The following ATP8B4 variants were observed in gnomAD, a reference collection of about 807,000 sequenced individuals.
ATP8B4 encodes probable phospholipid-transporting ATPase IM.
A neutral mutation model predicts 145.6 loss-of-function variants in ATP8B4; 133 were observed. The ratio of observed to expected loss-of-function variants is 0.91; its 90% CI spans 0.79 to 1.05. ATP8B4 has a LOEUF of 1.05. Ranked by LOEUF, ATP8B4 falls within the 50% of genes least tolerant of loss-of-function variation. ATP8B4 has a pLI of 0.00. For synonymous variants in ATP8B4, 507 were observed against 492.9 expected (o/e 1.03, Z -0.38); for missense variants, 1,458 against 1,425.2 (o/e 1.02, Z -0.37).
At chr15:50,103,458 T>G (rs1438436477) in intron 2 of ATP8B4, among the ~76,000 whole-genome samples, 2 of 152,178 alleles carry the variant, frequency 1.3e-5, no homozygotes, top group East Asian at 3.9e-4. Context: ...GCAATCAAGC[T>G]GAGAATCAAA....
intron 23 of ATP8B4, among the ~76,000 whole-genome samples, chr15:49,893,768 AG>A (rs2037088970): frequency 6.6e-6 from 1 of 152,232 alleles, no homozygotes. Context: ...TACACTTAAA[AG>A]TAGTTAAGTT....
At chr15:50,174,376 A>C (rs953007375) in intron 1 of ATP8B4, among the ~76,000 whole-genome samples, 1 of 152,092 alleles carries the variant, frequency 6.6e-6, no homozygotes, top group Non-Finnish European at 1.5e-5. Context: ...TGACGATAGG[A>C]TCATTTACCT....
chr15:49,978,244 T>C (rs1055091634), intron 12 of ATP8B4, among the ~76,000 whole-genome samples: 1 of 152,222 alleles, frequency 6.6e-6, no homozygotes, highest in African/African-American at 2.4e-5. Context: ...AAAAGCTGAC[T>C]GTAGCTCTTC....
chr15:49,915,959 T>C (rs1052557237), intron 20 of ATP8B4, among the ~76,000 whole-genome samples: 1 of 151,902 alleles, frequency 6.6e-6, no homozygotes, highest in African/African-American at 2.4e-5. Flanking sequence ...AATAGTTTAA[T>C]GACAGAGACA....
chr15:49,917,829 T>C (rs2039896286), intron 19 of ATP8B4, among the ~76,000 whole-genome samples: 1 of 152,208 alleles, frequency 6.6e-6, no homozygotes, highest in East Asian at 1.9e-4. Flanking sequence ...ATATACCTTG[T>C]ATAAACCACA....
intron 14 of ATP8B4, among the ~76,000 whole-genome samples, chr15:49,952,486 C>T (rs149757396): frequency 7.9e-5 from 12 of 152,096 alleles, no homozygotes; most frequent in African/African-American, 1.4e-4. Context: ...TTAGTCAATT[C>T]GGCTGTTGAT....
intron 2 of ATP8B4, among the ~76,000 whole-genome samples, chr15:50,084,510 G>T (rs1175844087): frequency 6.6e-6 from 1 of 152,046 alleles, no homozygotes; most frequent in African/African-American, 2.4e-5. Flanking sequence ...CTGCCCCTTC[G>T]CCCTACCATC....
intron 14 of ATP8B4, among the ~76,000 whole-genome samples, chr15:49,951,917 A>G (rs1171495045): frequency 6.6e-6 from 1 of 152,078 alleles, no homozygotes; most frequent in East Asian, 1.9e-4. Context: ...GCATTTGCTT[A>G]TCTGGAAAGG....
chr15:50,147,435 A>T (rs2044292345), intron 1 of ATP8B4, among the ~76,000 whole-genome samples: 1 of 151,884 alleles, frequency 6.6e-6, no homozygotes, highest in Non-Finnish European at 1.5e-5. Flanking sequence ...AAAAAAAAAA[A>T]AAAAAAGTAT....
intron 1 of ATP8B4, among the ~76,000 whole-genome samples, chr15:50,169,594 A>C (rs1308812493): frequency 6.6e-6 from 1 of 152,188 alleles, no homozygotes; most frequent in Non-Finnish European, 1.5e-5. Context: ...CAGAAAACCA[A>C]CCCTGGTAAT....
chr15:50,173,747 C>T (rs988123848), intron 1 of ATP8B4, among the ~76,000 whole-genome samples: 2 of 151,754 alleles, frequency 1.3e-5, no homozygotes, highest in African/African-American at 4.8e-5. Flanking sequence ...ATCCTTTTAA[C>T]ACTATTCCAC....
intron 1 of ATP8B4, among the ~76,000 whole-genome samples, chr15:50,165,658 GAAGT>G (rs2044586018): frequency 6.6e-6 from 1 of 152,104 alleles, no homozygotes; most frequent in Non-Finnish European, 1.5e-5. Context: ...GGAAATTCTG[GAAGT>G]AAAGAAGCAC....
chr15:50,081,613 C>T (rs2054562165), intron 2 of ATP8B4, among the ~76,000 whole-genome samples: 1 of 152,192 alleles, frequency 6.6e-6, no homozygotes, highest in Admixed American at 6.5e-5. Flanking sequence ...AGGCCATTTA[C>T]AACCTCTTCC....
intron 2 of ATP8B4, among the ~76,000 whole-genome samples, chr15:50,092,181 A>T (rs894874840): frequency 6.6e-5 from 10 of 152,224 alleles, no homozygotes; most frequent in African/African-American, 2.4e-4. Flanking sequence ...CAATGAAAAC[A>T]TACTAAACCT....
intron 1 of ATP8B4, among the ~76,000 whole-genome samples, chr15:50,130,101 C>T (rs2057335890): frequency 6.6e-6 from 1 of 152,144 alleles, no homozygotes; most frequent in Non-Finnish European, 1.5e-5. Flanking sequence ...ATGTTGAGGC[C>T]TTTTCACAGC....
intron 9 of ATP8B4, among the ~76,000 whole-genome samples, chr15:49,989,520 A>G (rs2046887701): frequency 1.3e-5 from 2 of 152,196 alleles, no homozygotes. Context: ...TTCTATTGTC[A>G]TAAGCAAAGA....
intron 10 of ATP8B4, among the ~76,000 whole-genome samples, chr15:49,984,675 T>C (rs1240350586): frequency 1.3e-5 from 2 of 152,036 alleles, no homozygotes. Flanking sequence ...TTTGATCTCT[T>C]CCTAGGGATC....
intron 26 of ATP8B4, 75 bp from the exon 27 acceptor site, chr15:49,862,450 C>G: frequency 6.7e-7 from 1 of 1,493,004 alleles, no homozygotes; most frequent in Non-Finnish European, 9.0e-7. Flanking sequence ...TTCTTTGTTC[C>G]TACAAGATCT....
At chr15:50,036,915 C>T (rs1288483296) in intron 6 of ATP8B4, among the ~76,000 whole-genome samples, 1 of 152,110 alleles carries the variant, frequency 6.6e-6, no homozygotes, top group East Asian at 1.9e-4. Context: ...TACATCATGC[C>T]ATATTGAGTT....
Sources: allele counts gnomAD v4.1 joint callset (sites outside exome capture counted in the v4.1 genomes callset), GRCh38; gene constraint gnomAD v4.1.1; transcripts MANE v1.5; gene names NCBI Gene and HGNC (gene_info 2026-07-23, HGNC 2026-07-21).